TRPC7: variants seen among roughly 807,000 people sequenced by gnomAD.
TRPC7 encodes transient receptor potential cation channel subfamily C member 7, also known as short transient receptor potential channel 7.
Under a neutral mutation model 90.1 loss-of-function variants are expected in TRPC7, and 42 were observed. The ratio of observed to expected loss-of-function variants is 0.47; its 90% CI spans 0.36 to 0.60. The LOEUF is 0.60. Among genes scored for constraint, TRPC7 ranks in the 20% least tolerant of loss-of-function variants. The probability of loss-of-function intolerance (pLI) is 0.00; values close to 1 mark genes in which losing one functional copy is unlikely to be tolerated. For missense variants in TRPC7, 955 were observed against 1,112.3 expected (o/e 0.86, Z 2.01); for synonymous variants, 451 against 436.3 (o/e 1.03, Z -0.42).
At chr5:136,274,641 C>T (rs376310456) in intron 4 of TRPC7, 32 bp downstream of exon 4, 33 of 1,550,052 alleles carry the variant, frequency 2.1e-5, no homozygotes, top group East Asian at 2.3e-5. Context: ...AAGAAATAAC[C>T]GCAAACGACA....
intron 1 of TRPC7, among the ~76,000 whole-genome samples, chr5:136,359,958 C>T (rs1301083034): frequency 6.6e-6 from 1 of 152,144 alleles, no homozygotes; most frequent in East Asian, 1.9e-4. Flanking sequence ...AGCATCTGAG[C>T]AGTGTGTCAG....
At chr5:136,345,278 A>T (rs1008556158) in intron 2 of TRPC7, among the ~76,000 whole-genome samples, 1 of 152,188 alleles carries the variant, frequency 6.6e-6, no homozygotes, top group Non-Finnish European at 1.5e-5. Context: ...TATTCTGGCC[A>T]GGCACGGTGG....
At chr5:136,343,602 G>T (rs182285905) in intron 2 of TRPC7, among the ~76,000 whole-genome samples, 1 of 152,184 alleles carries the variant, frequency 6.6e-6, no homozygotes, top group East Asian at 1.9e-4. Flanking sequence ...ACTAAACTAA[G>T]CCTAAAAATA....
intron 3 of TRPC7, among the ~76,000 whole-genome samples, chr5:136,287,437 A>G (rs1055954616): frequency 1.3e-5 from 2 of 151,964 alleles, no homozygotes; most frequent in African/African-American, 4.8e-5. Flanking sequence ...GGTGGCAGAC[A>G]TAAGTTCCAG....
At chr5:136,255,066 T>C (rs1358409817) in intron 5 of TRPC7, among the ~76,000 whole-genome samples, 2 of 152,230 alleles carry the variant, frequency 1.3e-5, no homozygotes, top group Non-Finnish European at 2.9e-5. Flanking sequence ...AGGAATTGTT[T>C]CTTATGGATG....
intron 3 of TRPC7, among the ~76,000 whole-genome samples, chr5:136,299,292 T>C (rs10214037): frequency 0.11 from 15,987 of 143,934 alleles, 1,030 homozygotes; most frequent in African/African-American, 0.13. Context: ...AAGAGCAAAA[T>C]TCTGTCTCAA....
intron 3 of TRPC7, among the ~76,000 whole-genome samples, chr5:136,298,215 A>G (rs909985243): frequency 2.6e-5 from 4 of 152,156 alleles, no homozygotes; most frequent in African/African-American, 9.7e-5. Flanking sequence ...GAAGCAGTCT[A>G]TGGATCTGAG....
At position 136,252,293 on chromosome 5, in the gene TRPC7, T is replaced by G. The variant is rs149551469; in HGVS notation, c.1346-411A>C. Among the ~76,000 whole-genome samples the G allele has an allele frequency of 3.0e-3, 461 of 152,258 alleles. 4 individuals carry two copies. Among genetic ancestry groups the G allele is most frequent in the Admixed American group, 0.022 (341 of 15,292 alleles). On this transcript the variant is annotated intron_variant, in intron 5 of 11. Transcript: ENST00000513104. Reference sequence around the variant, plus strand: ...AGGTCCCCCCACTCCATGCCCCAAATTCTACAGAAATGCCCCAAGAACCTA... The same window carrying G: ...AGGTCCCCCCACTCCATGCCCCAAAGTCTACAGAAATGCCCCAAGAACCTA...
At chr5:136,264,451 TG>T (rs1756958381) in intron 5 of TRPC7, among the ~76,000 whole-genome samples, 1 of 152,218 alleles carries the variant, frequency 6.6e-6, no homozygotes, top group Non-Finnish European at 1.5e-5. Context: ...CAATGGCGTA[TG>T]TACTAGGGAG....
At chr5:136,269,296 C>G (rs922413981) in intron 4 of TRPC7, among the ~76,000 whole-genome samples, 3 of 152,306 alleles carry the variant, frequency 2.0e-5, no homozygotes, top group South Asian at 2.1e-4. Context: ...TTCTTTGGCT[C>G]TGAGAAATAT....
chr5:136,296,890 C>A (rs1241764054), intron 3 of TRPC7, among the ~76,000 whole-genome samples: 2 of 152,206 alleles, frequency 1.3e-5, no homozygotes, highest in African/African-American at 2.4e-5. Context: ...ATCTTCACAG[C>A]CCACATGCTG....
At chr5:136,308,583 C>T (rs1758724051) in intron 3 of TRPC7, among the ~76,000 whole-genome samples, 1 of 152,204 alleles carries the variant, frequency 6.6e-6, no homozygotes, top group Non-Finnish European at 1.5e-5. Context: ...GCTCACTGGC[C>T]CTGCCTGTGC....
chr5:136,264,781 C>A (rs1756969852), intron 5 of TRPC7, among the ~76,000 whole-genome samples: 1 of 152,086 alleles, frequency 6.6e-6, no homozygotes, highest in African/African-American at 2.4e-5. Context: ...TTAGTAGAGG[C>A]AGGGTTTCAC....
chr5:136,314,404 T>C (rs1758938251), intron 3 of TRPC7: 1 of 152,188 alleles, frequency 6.6e-6, no homozygotes, highest in Non-Finnish European at 1.5e-5. Flanking sequence ...GAGTAAATAG[T>C]ATTGTACTGT....
chr5:136,266,420 C>T lies in TRPC7; in HGVS notation c.1145G>A (p.Arg382Lys). 1.2e-6 allele frequency: 2 copies of T among 1,613,564 alleles called. No individual in the cohort carries two copies. Among genetic ancestry groups the T allele is most frequent in the Middle Eastern group, 1.7e-4 (1 of 6,060 alleles). Reference sequence around the variant, plus strand: ...AGCTACAAACTTCATGAAAGGGCTCCTCAGGGTTCGTCCTAGCTGGAAAGA... The same window carrying T: ...AGCTACAAACTTCATGAAAGGGCTCTTCAGGGTTCGTCCTAGCTGGAAAGA... ...APCSKLGRTLRSPFMKFVAHA... is the reference protein window; with the variant it reads ...APCSKLGRTLKSPFMKFVAHA... The change falls in exon 5 of 12, where the codon AGG becomes AAG. Residue 382 changes from arginine to lysine, a missense_variant. Around this residue, in one of 4 missense-constraint regions of TRPC7, gnomAD observed 484 missense variants for 509.6 expected, o/e 0.95. Coordinates refer to ENST00000513104, the MANE Select transcript of TRPC7 (RefSeq NM_020389.3).
At chr5:136,216,001 C>T (rs1261655756) in intron 11 of TRPC7, among the ~76,000 whole-genome samples, 199 bp downstream of exon 11, 2 of 152,168 alleles carry the variant, frequency 1.3e-5, no homozygotes, top group East Asian at 3.9e-4. Flanking sequence ...CCAGCTGTGG[C>T]CAGCAAGGCA....
At chr5:136,354,057 G>A (rs1166681776) in intron 2 of TRPC7, among the ~76,000 whole-genome samples, 2 of 152,138 alleles carry the variant, frequency 1.3e-5, no homozygotes, top group East Asian at 1.9e-4. Context: ...CAATTTTCCA[G>A]ATAATCTGAT....
At chr5:136,355,534 C>G (rs1440615773) in intron 2 of TRPC7, among the ~76,000 whole-genome samples, 1 of 152,186 alleles carries the variant, frequency 6.6e-6, no homozygotes, top group Non-Finnish European at 1.5e-5. Flanking sequence ...TGTGGTGGCT[C>G]ACGCCTATAA....
At chr5:136,259,532 T>C (rs903592316) in intron 5 of TRPC7, among the ~76,000 whole-genome samples, 6 of 152,258 alleles carry the variant, frequency 3.9e-5, no homozygotes, top group African/African-American at 1.4e-4. Flanking sequence ...GTTATGGAGA[T>C]GCTTGCTAGC....
Sources: gnomAD v4.1 joint callset for allele counts (sites outside exome capture counted in the v4.1 genomes callset) on GRCh38, gnomAD v4.1.1 for gene constraint, gnomAD v4.1.1 regional missense constraint, MANE v1.5 for transcripts, NCBI Gene and HGNC (gene_info 2026-07-23, HGNC 2026-07-21) for gene names.